The following HTR1F variants were observed in gnomAD, a reference collection of about 807,000 sequenced individuals.
HTR1F encodes 5-hydroxytryptamine receptor 1F, also known as 5-hydroxytryptamine (serotonin) receptor 1F, G protein-coupled.
A neutral mutation model predicts 24.0 loss-of-function variants in HTR1F; 17 were observed. The observed-to-expected ratio is 0.71, with a 90% CI of 0.48 to 1.06. The LOEUF (loss-of-function observed/expected upper bound fraction) is 1.06. Ranked by LOEUF, HTR1F falls within the 50% of genes least tolerant of loss-of-function variation. HTR1F has a pLI of 0.00. For synonymous variants in HTR1F, 186 were observed against 156.8 expected, an observed-to-expected ratio of 1.19 and a Z score of -1.39; for missense variants, 391 against 427.8, an observed-to-expected ratio of 0.91 and a Z score of 0.76.
intron 2 of HTR1F, 111 bp from the exon 3 acceptor site, chr3:87,990,597 T>C (rs955156745): frequency 1.2e-5 from 7 of 580,486 alleles, no homozygotes; most frequent in Non-Finnish European, 1.8e-5. Context: ...TTTTTTAATC[T>C]ATAGAATATT....
At chr3:87,907,193 A>ATT (rs1340149546) in intron 2 of HTR1F, among the ~76,000 whole-genome samples, 1 of 107,298 alleles carries the variant, frequency 9.3e-6, no homozygotes, top group African/African-American at 6.6e-5. Flanking sequence ...CTATGCCAAC[A>ATT]TTTATTTTTT....
Position 87,924,484 on chromosome 3 carries a change from G to A in HTR1F, c.-42-66224G>A, listed in dbSNP as rs542930822. On this transcript the variant is annotated intron_variant, in intron 2 of 2. Coordinates refer to ENST00000319595, the MANE Select transcript of HTR1F (RefSeq NM_001322209.2). The stretch of plus-strand genomic sequence containing the variant: ...CTACCAGTGAATTTTATATTCTCAT[G>A]TGTTTTCATGATGGTAGTTATTGTC... 6.6e-5 allele frequency among the ~76,000 whole-genome samples: 10 copies of A among 152,170 alleles called. No individual in the cohort carries two copies. In the South Asian group the frequency reaches 1.9e-3, roughly 28 times the overall value.
intron 2 of HTR1F, among the ~76,000 whole-genome samples, chr3:87,964,546 G>A (rs1403837423): frequency 6.6e-6 from 1 of 152,088 alleles, no homozygotes; most frequent in African/African-American, 2.4e-5. Flanking sequence ...TCTTCTCAGA[G>A]TTTACCAATA....
intron 2 of HTR1F, among the ~76,000 whole-genome samples, chr3:87,951,739 T>TGCATATATATATGATGG (rs1175397938): frequency 1.3e-5 from 2 of 152,092 alleles, no homozygotes; most frequent in Non-Finnish European, 2.9e-5. Context: ...TATAGTTATA[T>TGCATATATATATGATGG]GCATATATAT....
At chr3:87,905,560 AC>A (rs1703646284) in intron 2 of HTR1F, among the ~76,000 whole-genome samples, 1 of 152,072 alleles carries the variant, frequency 6.6e-6, no homozygotes. Flanking sequence ...AAATTGCAGA[AC>A]GTTGGGATGC....
intron 2 of HTR1F, among the ~76,000 whole-genome samples, chr3:87,941,660 G>A (rs1390988613): frequency 1.3e-5 from 2 of 152,262 alleles, no homozygotes; most frequent in South Asian, 2.1e-4. Flanking sequence ...GAGTTGAGAC[G>A]TTGGGTTTGA....
intron 2 of HTR1F, among the ~76,000 whole-genome samples, chr3:87,910,941 C>A (rs1703765059): frequency 6.6e-6 from 1 of 151,900 alleles, no homozygotes; most frequent in Admixed American, 6.6e-5. Flanking sequence ...AAAGATATAA[C>A]ATACCACAAT....
chr3:87,962,725 T>C (rs1306698222), intron 2 of HTR1F, among the ~76,000 whole-genome samples: 1 of 152,006 alleles, frequency 6.6e-6, no homozygotes, highest in East Asian at 1.9e-4. Context: ...ATATACAGAA[T>C]CTCTGAAGTA....
At chr3:87,957,747 C>A (rs910029515) in intron 2 of HTR1F, among the ~76,000 whole-genome samples, 24 of 151,138 alleles carry the variant, frequency 1.6e-4, no homozygotes, top group African/African-American at 5.6e-4. Context: ...GTGTAGAAAA[C>A]CCATTTTTCA....
intron 2 of HTR1F, among the ~76,000 whole-genome samples, chr3:87,858,946 A>G (rs1482851696): frequency 6.6e-6 from 1 of 152,174 alleles, no homozygotes; most frequent in African/African-American, 2.4e-5. Context: ...CTGTAATCCC[A>G]GCACCTTGGG....
chr3:87,854,270 T>G lies in HTR1F; in HGVS notation c.-43+32146T>G, dbSNP rs543676357. On this transcript the variant is annotated intron_variant, in intron 2 of 2. Coordinates refer to ENST00000319595, the MANE Select transcript of HTR1F (RefSeq NM_001322209.2). ...GGACTCCTTTCTCTTTTTTTATATT[T>G]TTGATTTTCTGTTTTCTTGAATGTA... 2.6e-5 allele frequency among the ~76,000 whole-genome samples: 4 copies of G among 152,118 alleles called. No individual in the cohort carries two copies. In the South Asian group the frequency reaches 8.3e-4, roughly 31 times the overall value.
chr3:87,938,793 A>G lies in HTR1F; in HGVS notation c.-42-51915A>G, dbSNP rs146889892. ...CCCCATGTACAAAAATCAACTCAAGATGGATTAAAGACTTAAATATAAAAC... is the reference window on the plus strand; with the variant it reads ...CCCCATGTACAAAAATCAACTCAAGGTGGATTAAAGACTTAAATATAAAAC... On this transcript the variant is annotated intron_variant, in intron 2 of 2. Coordinates refer to ENST00000319595, the MANE Select transcript of HTR1F (RefSeq NM_001322209.2). 8.5e-5 allele frequency among the ~76,000 whole-genome samples: 13 copies of G among 152,326 alleles called. No homozygotes were observed. In the East Asian group the frequency reaches 1.9e-3, roughly 23 times the overall value.
chr3:87,904,695 G>A (rs996084254), intron 2 of HTR1F, among the ~76,000 whole-genome samples: 2 of 152,036 alleles, frequency 1.3e-5, no homozygotes, highest in African/African-American at 4.8e-5. Flanking sequence ...GCAACAATAT[G>A]AAACTCACTA....
chr3:87,795,485 C>CT (rs921487280), intron 1 of HTR1F, among the ~76,000 whole-genome samples: 1 of 151,998 alleles, frequency 6.6e-6, no homozygotes, highest in Non-Finnish European at 1.5e-5. Context: ...GCAGGATTCT[C>CT]TTTTTTTTCC....
At chr3:87,822,517 A>T (rs1704379569) in intron 2 of HTR1F, among the ~76,000 whole-genome samples, 3 of 152,244 alleles carry the variant, frequency 2.0e-5, no homozygotes, top group Non-Finnish European at 4.4e-5. Flanking sequence ...TCTCAATTAT[A>T]ATAATGATTT....
chr3:87,819,232 T>A (rs937851432), intron 1 of HTR1F, among the ~76,000 whole-genome samples: 7 of 152,194 alleles, frequency 4.6e-5, no homozygotes, highest in African/African-American at 1.7e-4. Context: ...AAAATAATTT[T>A]ACCAATTGTC....
chr3:87,869,161 T>C (rs1200295793), intron 2 of HTR1F, among the ~76,000 whole-genome samples: 1 of 151,956 alleles, frequency 6.6e-6, no homozygotes, highest in Non-Finnish European at 1.5e-5. Flanking sequence ...AACAAACATA[T>C]ATAATAGAAA....
chr3:87,804,503 C>T (rs925413255), intron 1 of HTR1F, among the ~76,000 whole-genome samples: 1 of 152,028 alleles, frequency 6.6e-6, no homozygotes, highest in African/African-American at 2.4e-5. Flanking sequence ...AAAAGTTTTG[C>T]TGAGTTGATA....
At chr3:87,967,397 C>A (rs538033526) in intron 2 of HTR1F, among the ~76,000 whole-genome samples, 1 of 152,018 alleles carries the variant, frequency 6.6e-6, no homozygotes, top group South Asian at 2.1e-4. Context: ...TTACAATGAG[C>A]TGAGATTGTG....
Sources: gnomAD v4.1 joint callset for allele counts (sites outside exome capture counted in the v4.1 genomes callset) on GRCh38, gnomAD v4.1.1 for gene constraint, MANE v1.5 for transcripts, NCBI Gene and HGNC (gene_info 2026-07-23, HGNC 2026-07-21) for gene names.